The following SETD5 variants were observed in gnomAD, a reference collection of about 807,000 sequenced individuals.
SETD5 encodes the protein SET domain containing 5.
SETD5 carries 44 observed loss-of-function variants against 153.3 expected under a neutral mutation model. The ratio of observed to expected loss-of-function variants is 0.29; its 90% CI spans 0.23 to 0.37. The LOEUF is 0.37. SETD5 is among the 10% of genes least tolerant of loss of function. The pLI, the probability that SETD5 is intolerant of heterozygous loss-of-function variation, is 1.00. For missense variants in SETD5, 1,544 were observed against 1,768.0 expected (o/e 0.87, Z 2.27); for synonymous variants, 716 against 645.2 (o/e 1.11, Z -1.66).
Position 9,454,893 on chromosome 3 carries a change from A to G in SETD5, c.2476+1025A>G, listed in dbSNP as rs1426737460. ...TCTCTAAATCAGTTTTTTAAATATT[A>G]GACAATCAAAATACCAAAGTAAATT... On this transcript the variant is annotated intron_variant, in intron 17 of 22. Coordinates refer to ENST00000402198, the MANE Select transcript of SETD5 (RefSeq NM_001080517.3). 2.6e-5 allele frequency among the ~76,000 whole-genome samples: 4 copies of G among 152,022 alleles called. No homozygotes were observed. The East Asian group carries it at 7.7e-4, about 29-fold the overall frequency.
chr3:9,464,303 A>G (rs1031542746), intron 17 of SETD5, 122 bp from the exon 18 acceptor site: 1 of 1,374,218 alleles, frequency 7.3e-7, no homozygotes, highest in Non-Finnish European at 9.9e-7. Flanking sequence ...GGAGGAGATA[A>G]CTTAATGGGA....
At position 9,475,064 on chromosome 3, in the gene SETD5, C is replaced by T. The variant is rs1242010792; in HGVS notation, c.3632-4C>T. 1 of 1,575,452 alleles carries T rather than the reference C, an allele frequency of 6.3e-7. No individual in the cohort carries two copies. Among genetic ancestry groups the T allele is most frequent in the Non-Finnish European group, 8.6e-7 (1 of 1,160,598 alleles). ...GATTTTTTTTTATATATGTTACCTT[C>T]CAGACCCTGCAGATGGAGAAGGCCC... On this transcript the variant is annotated splice_region_variant and splice_polypyrimidine_tract_variant and intron_variant, in intron 21 of 22. Transcript: ENST00000402198.
chr3:9,437,550 T>TGTGTGTGTGTGTGTGC, intron 7 of SETD5, among the ~76,000 whole-genome samples: 1 of 151,766 alleles, frequency 6.6e-6, no homozygotes, highest in Non-Finnish European at 1.5e-5. Context: ...TGTGTGTGTG[T>TGTGTGTGTGTGTGTGC]ATAAATATAT....
chr3:9,470,879 G>T lies in SETD5; in HGVS notation c.3145G>T (p.Ala1049Ser). 2.5e-6 allele frequency: 4 copies of T among 1,609,574 alleles called. No individual in the cohort carries two copies. Among genetic ancestry groups the T allele is most frequent in the Non-Finnish European group, 3.4e-6 (4 of 1,177,750 alleles). Reference sequence around the variant, plus strand: ...ATCCTTGTCACCTGGTGGTGAAAGGGCCTGTGAAGGAGTCCCATCTGCCCC... The same window carrying T: ...ATCCTTGTCACCTGGTGGTGAAAGGTCCTGTGAAGGAGTCCCATCTGCCCC... ...RGSLSPGGERACEGVPSAPQN... is the reference protein window; with the variant it reads ...RGSLSPGGERSCEGVPSAPQN... The change falls in exon 19 of 23, where the codon GCC (alanine) becomes TCC (serine). Residue 1049 changes from alanine to serine, a missense_variant. Coordinates refer to ENST00000402198, the MANE Select transcript of SETD5 (RefSeq NM_001080517.3).
intron 3 of SETD5, chr3:9,430,361 A>G (rs1422583242): frequency 1.0e-6 from 1 of 980,696 alleles, no homozygotes; most frequent in Non-Finnish European, 1.2e-6. Flanking sequence ...TTATTCCCAT[A>G]TAAAAAGGAG....
At chr3:9,404,104 T>C (rs2125440227) in intron 1 of SETD5, among the ~76,000 whole-genome samples, 1 of 152,350 alleles carries the variant, frequency 6.6e-6, no homozygotes, top group South Asian at 2.1e-4. Context: ...CATTTGTTGC[T>C]TGGGTTGAGG....
intron 3 of SETD5, chr3:9,431,026 GT>G (rs2039899636): frequency 1.0e-6 from 1 of 985,334 alleles, no homozygotes; most frequent in African/African-American, 1.7e-5. Context: ...ATTTATTAAT[GT>G]TTCATCATGC....
chr3:9,443,015 GAGC>G (rs1049173280), intron 10 of SETD5: 1 of 257,896 alleles, frequency 3.9e-6, no homozygotes, highest in African/African-American at 2.3e-5. Flanking sequence ...ACTCCAGCCT[GAGC>G]GACAGAGCAA....
intron 17 of SETD5, among the ~76,000 whole-genome samples, chr3:9,462,280 TATTG>T (rs1232985719): frequency 2.0e-5 from 3 of 152,150 alleles, no homozygotes; most frequent in Admixed American, 1.3e-4. Flanking sequence ...TACTTTAACC[TATTG>T]ATTAAGAATA....
rs774302600 is a variant in SETD5 at position 9,475,495 on chromosome 3, G to A, written c.3733G>A (p.Asp1245Asn). 2 of 1,611,584 alleles carry A rather than the reference G, an allele frequency of 1.2e-6. No individual in the cohort carries two copies. The highest frequency in any genetic ancestry group is 1.7e-5 in the Admixed American group (1 of 59,964). The change falls in exon 23 of 23, where the codon GAT (aspartate) becomes AAT (asparagine). Residue 1245 changes from aspartate (D) to asparagine (N), a missense_variant. Transcript: ENST00000402198. ...SRYSYQLLQC[D>N]SPRTESQSLL... ...CAACTTTGTCTAGCTCCTGCAGTGT[G>A]ATAGTCCTCGGACAGAATCACAAAG...
chr3:9,464,774 T>G, intron 18 of SETD5, 102 bp downstream of exon 18: 1 of 1,563,004 alleles, frequency 6.4e-7, no homozygotes, highest in South Asian at 1.1e-5. Flanking sequence ...TTACTATCTT[T>G]CTTCCCCATC....
intron 1 of SETD5, among the ~76,000 whole-genome samples, chr3:9,417,974 T>C (rs2037781496): frequency 6.8e-6 from 1 of 146,908 alleles, no homozygotes; most frequent in African/African-American, 2.5e-5. Flanking sequence ...GGAGTCTTGC[T>C]CTGTCGCACA....
chr3:9,458,299 C>T (rs1040942123), intron 17 of SETD5, among the ~76,000 whole-genome samples: 36 of 152,132 alleles, frequency 2.4e-4, no homozygotes, highest in African/African-American at 7.7e-4. Flanking sequence ...ATTCTAGGCA[C>T]ATTCAAATAT....
chr3:9,398,123 A>C, intron 1 of SETD5, 146 bp downstream of exon 1: 2 of 148,512 alleles, frequency 1.3e-5, no homozygotes, highest in Non-Finnish European at 1.5e-5. Context: ...GCCACTTCTC[A>C]CCCCCCTCGC....
At position 9,458,869 on chromosome 3, in the gene SETD5, G is replaced by C. The variant is rs925799448; in HGVS notation, c.2476+5001G>C. ...AAAGAAACCAAAATTTATATATAAG[G>C]TTGGTGCAAAAGTAATTGCGTTTTT... On this transcript the variant is annotated intron_variant, in intron 17 of 22. Coordinates refer to ENST00000402198, the MANE Select transcript of SETD5 (RefSeq NM_001080517.3). Among the ~76,000 whole-genome samples, 24 of 152,062 alleles carry C rather than the reference G, an allele frequency of 1.6e-4. 1 individual carries two copies. Among genetic ancestry groups the C allele is most frequent in the Admixed American group, 4.6e-4 (7 of 15,272 alleles).
At chr3:9,432,490 C>T (rs1466673893) in intron 3 of SETD5, among the ~76,000 whole-genome samples, 1 of 152,106 alleles carries the variant, frequency 6.6e-6, no homozygotes, top group Non-Finnish European at 1.5e-5. Flanking sequence ...TATTTGACTC[C>T]CTGAAAGACC....
chr3:9,434,993 T>C lies in SETD5; in HGVS notation c.388+111T>C, dbSNP rs1346000786. 7.7e-7 allele frequency: 1 copy of C among 1,302,336 alleles called. No homozygotes were observed. Among genetic ancestry groups the C allele is most frequent in the Non-Finnish European group, 1.0e-6 (1 of 957,090 alleles). The allele number at this position is 1,302,336 out of a possible 1,614,324, so 80.7% of individuals were successfully genotyped here. On this transcript the variant is annotated intron_variant, in intron 6 of 22. Coordinates refer to ENST00000402198, the MANE Select transcript of SETD5 (RefSeq NM_001080517.3). The surrounding 1 kb of genome is among the most constrained non-coding windows in gnomAD (Gnocchi z 5.6). Reference sequence around the variant, plus strand: ...GGCGCAGTGGCTTACGCCTGTAATCTCACCACTTAGGGAGGCCAAAGCGGG... The same window carrying C: ...GGCGCAGTGGCTTACGCCTGTAATCCCACCACTTAGGGAGGCCAAAGCGGG...
intron 1 of SETD5, among the ~76,000 whole-genome samples, chr3:9,414,384 A>T (rs941329472): frequency 2.0e-5 from 3 of 151,202 alleles, no homozygotes; most frequent in Non-Finnish European, 4.4e-5. Context: ...TTTTTTGGGG[A>T]GTGTGTGTGT....
At chr3:9,425,060 T>C (rs959821256) in intron 2 of SETD5, among the ~76,000 whole-genome samples, 1 of 143,566 alleles carries the variant, frequency 7.0e-6, no homozygotes, top group Non-Finnish European at 1.5e-5. Context: ...TGTTTCTTTT[T>C]TTTTTTTTTT....
Sources: allele counts gnomAD v4.1 joint callset (sites outside exome capture counted in the v4.1 genomes callset), GRCh38; gene constraint gnomAD v4.1.1; non-coding constraint Gnocchi (gnomAD v3.1); transcripts MANE v1.5; gene names NCBI Gene and HGNC (gene_info 2026-07-23, HGNC 2026-07-21).